Variants in ATAD2B observed in about 807,000 individuals in gnomAD.
ATAD2B encodes the protein ATPase family AAA domain containing 2B, also known as ATPase family AAA domain-containing protein 2B.
ATAD2B carries 40 observed loss-of-function variants against 167.6 expected under a neutral mutation model. The ratio of observed to expected loss-of-function variants is 0.24; its 90% CI spans 0.19 to 0.31. ATAD2B has a LOEUF of 0.31. ATAD2B is among the 10% of genes least tolerant of loss of function. The pLI, the probability that ATAD2B is intolerant of heterozygous loss-of-function variation, is 1.00. For missense variants in ATAD2B, 1,242 were observed against 1,757.2 expected, an observed-to-expected ratio of 0.71 and a Z score of 5.24; for synonymous variants, 579 against 596.5, an observed-to-expected ratio of 0.97 and a Z score of 0.43.
intron 13 of ATAD2B, among the ~76,000 whole-genome samples, chr2:23,836,902 C>T (rs1370233940): frequency 6.6e-6 from 1 of 152,126 alleles, no homozygotes; most frequent in East Asian, 1.9e-4. Context: ...TGGGCAGGCC[C>T]AGAAAAAGCA....
chr2:23,744,840 G>A (rs1365400615), downstream of ATAD2B, among the ~76,000 whole-genome samples: 1 of 152,196 alleles, frequency 6.6e-6, no homozygotes, highest in Non-Finnish European at 1.5e-5. Context: ...GGAATGGGTA[G>A]AAAGTAGACT....
At chr2:23,902,373 G>A (rs186251320) in intron 1 of ATAD2B, among the ~76,000 whole-genome samples, 1 of 152,220 alleles carries the variant, frequency 6.6e-6, no homozygotes, top group Non-Finnish European at 1.5e-5. Flanking sequence ...AGTAAAGTAA[G>A]CAACCACGAT....
rs772995635 is a variant in ATAD2B at position 23,888,411 on chromosome 2, T to C, written c.369-12A>G. 1.1e-5 allele frequency: 17 copies of C among 1,523,924 alleles called. No homozygotes were observed. The highest frequency in any genetic ancestry group is 1.3e-5 in the Non-Finnish European group (15 of 1,126,034). The allele number at this position is 1,523,924 out of a possible 1,614,324, so 94.4% of individuals were successfully genotyped here. ...GCTGAGAAGTTAACCTAGAACACAA[T>C]AATATTTAATATGCAAACACATCAA... On this transcript the variant is annotated splice_polypyrimidine_tract_variant and intron_variant, in intron 2 of 27. Coordinates refer to ENST00000238789, the MANE Select transcript of ATAD2B (RefSeq NM_017552.4).
At chr2:23,805,795 T>TAAAAAA (rs3030816) in intron 18 of ATAD2B, among the ~76,000 whole-genome samples, 2,150 of 100,936 alleles carry the variant, frequency 0.021, 43 homozygotes, top group Middle Eastern at 0.046. Flanking sequence ...TATCAAGCTT[T>TAAAAAA]AAAAAAAAAA....
chr2:23,834,620 C>T (rs1327050844), intron 13 of ATAD2B, among the ~76,000 whole-genome samples: 1 of 151,924 alleles, frequency 6.6e-6, no homozygotes, highest in Non-Finnish European at 1.5e-5. Flanking sequence ...AAATTAAAAA[C>T]TTTTCTTCTT....
chr2:23,863,649 G>T, intron 11 of ATAD2B, 94 bp from the exon 12 acceptor site: 1 of 1,145,022 alleles, frequency 8.7e-7, no homozygotes, highest in Non-Finnish European at 1.2e-6. Context: ...ATATAATTTT[G>T]TATTGAAGTA....
the ATAD2B span, among the ~76,000 whole-genome samples, chr2:23,694,693 C>A: frequency 0.024 from 3,642 of 152,242 alleles, 80 homozygotes; most frequent in Non-Finnish European, 0.039. Context: ...TCCAGACACA[C>A]CATTCTCTTT....
chr2:23,810,615 T>G, intron 17 of ATAD2B, 113 bp from the exon 18 acceptor site: 2 of 803,782 alleles, frequency 2.5e-6, no homozygotes, highest in South Asian at 2.0e-5. Flanking sequence ...TAACAGAACT[T>G]TCCTATATTA....
chr2:23,694,967 G>T, the ATAD2B span, among the ~76,000 whole-genome samples: 1 of 152,286 alleles, frequency 6.6e-6, no homozygotes, highest in Non-Finnish European at 1.5e-5. Flanking sequence ...AGTGATGAGC[G>T]TCATGCCTGG....
intron 17 of ATAD2B, among the ~76,000 whole-genome samples, chr2:23,819,409 T>TA (rs1383766122): frequency 2.0e-5 from 3 of 150,430 alleles, no homozygotes; most frequent in Non-Finnish European, 4.4e-5. Flanking sequence ...GAGAATAGCT[T>TA]AAACTCAGGA....
chr2:23,805,030 C>G (rs1223842206), intron 18 of ATAD2B, among the ~76,000 whole-genome samples: 1 of 151,456 alleles, frequency 6.6e-6, no homozygotes. Context: ...ATAATCCCAC[C>G]TACTCGGGAG....
At chr2:23,834,139 T>C (rs1428487132) in intron 13 of ATAD2B, 61 bp from the exon 14 acceptor site, 1 of 820,830 alleles carries the variant, frequency 1.2e-6, no homozygotes, top group African/African-American at 1.8e-5. Flanking sequence ...TACAATAACG[T>C]TTATCAGTCT....
chr2:23,903,824 G>C (rs1384731304), intron 1 of ATAD2B, among the ~76,000 whole-genome samples: 4 of 151,994 alleles, frequency 2.6e-5, no homozygotes, highest in African/African-American at 9.7e-5. Context: ...ATTTAGAATT[G>C]GGAAAATCAG....
At chr2:23,818,120 CATTACACACACACACACACACAGAG>C (rs1558591016) in intron 17 of ATAD2B, among the ~76,000 whole-genome samples, 18 of 73,540 alleles carry the variant, frequency 2.4e-4, no homozygotes, top group South Asian at 9.1e-4. Flanking sequence ...CACACACACA[CATTACACACACACACACACACAGAG>C]AGAGAGAAGG....
In ATAD2B at chr2:23,833,914, C is replaced by CT. The variant is rs1046468196; in HGVS notation, c.1728+4dup. On this transcript the variant is annotated splice_donor_region_variant and intron_variant, in intron 14 of 27. Coordinates refer to ENST00000238789, the MANE Select transcript of ATAD2B (RefSeq NM_017552.4). ...TGTTAACATATTGAAAACAAAAACT[C>CT]TTACCTTTTGATCAGGCAGGTTGAA... 2.5e-6 allele frequency: 4 copies of CT among 1,598,370 alleles called. No individual in the cohort carries two copies. The African/African-American group carries it at 5.4e-5, about 22-fold the overall frequency.
intron 14 of ATAD2B, among the ~76,000 whole-genome samples, chr2:23,830,367 T>A (rs1056816417): frequency 6.6e-6 from 1 of 152,230 alleles, no homozygotes; most frequent in Non-Finnish European, 1.5e-5. Flanking sequence ...AAGATCAGAA[T>A]TTTGTTTTCA....
intron 13 of ATAD2B, among the ~76,000 whole-genome samples, chr2:23,854,099 G>A (rs1374774038): frequency 5.9e-5 from 9 of 151,484 alleles, no homozygotes; most frequent in East Asian, 3.9e-4. Flanking sequence ...ACAAAAATTC[G>A]CCAGGCATGG....
At chr2:23,828,225 T>C (rs2149700195) in intron 15 of ATAD2B, among the ~76,000 whole-genome samples, 1 of 152,292 alleles carries the variant, frequency 6.6e-6, no homozygotes, top group East Asian at 1.9e-4. Context: ...AACCCTGAAT[T>C]CCATCTCCTA....
At chr2:23,837,524 C>T (rs1558633685) in intron 13 of ATAD2B, among the ~76,000 whole-genome samples, 1 of 152,214 alleles carries the variant, frequency 6.6e-6, no homozygotes, top group Non-Finnish European at 1.5e-5. Context: ...CCCACCGACT[C>T]AAAAGGGGTG....
Sources: allele counts gnomAD v4.1 joint callset (sites outside exome capture counted in the v4.1 genomes callset), GRCh38; gene constraint gnomAD v4.1.1; transcripts MANE v1.5; gene names NCBI Gene and HGNC (gene_info 2026-07-23, HGNC 2026-07-21).